Variants in SWT1 observed in about 807,000 individuals in gnomAD.
SWT1 encodes the protein SWT1 RNA endoribonuclease homolog.
A neutral mutation model predicts 107.3 loss-of-function variants in SWT1; 33 were observed. The observed-to-expected ratio is 0.31, with a 90% confidence interval of 0.23 to 0.41. The LOEUF (loss-of-function observed/expected upper bound fraction) is 0.41, where lower values mean the gene tolerates loss of function less well. SWT1 is among the 10% of genes least tolerant of loss of function. The probability of loss-of-function intolerance (pLI) is 1.00; values close to 1 mark genes in which losing one functional copy is unlikely to be tolerated. For synonymous variants in SWT1, 345 were observed against 348.3 expected (o/e 0.99, Z 0.11); for missense variants, 898 against 1,028.9 (o/e 0.87, Z 1.74).
intron 15 of SWT1, among the ~76,000 whole-genome samples, chr1:185,225,279 T>C (rs933107740): frequency 6.6e-6 from 1 of 152,232 alleles, no homozygotes; most frequent in Admixed American, 6.5e-5. Flanking sequence ...CACTTGATCA[T>C]AGTGAACTTT....
intron 14 of SWT1, among the ~76,000 whole-genome samples, chr1:185,220,172 T>A (rs1255207668): frequency 6.7e-6 from 1 of 149,470 alleles, no homozygotes; most frequent in Non-Finnish European, 1.5e-5. Flanking sequence ...AAAGAGCAAT[T>A]TCTAACCATT....
intron 16 of SWT1, among the ~76,000 whole-genome samples, chr1:185,247,091 C>A (rs1235807496): frequency 1.3e-5 from 2 of 152,132 alleles, no homozygotes; most frequent in African/African-American, 2.4e-5. Context: ...TTGTTGGAAT[C>A]CCTTAAACTG....
chr1:185,279,733 A>C (rs749555580), intron 18 of SWT1, among the ~76,000 whole-genome samples: 9 of 150,436 alleles, frequency 6.0e-5, no homozygotes, highest in Non-Finnish European at 1.3e-4. Context: ...ACTGGTTCAT[A>C]CTAGATATGG....
chr1:185,170,995 A>G (rs1371760974), intron 4 of SWT1, among the ~76,000 whole-genome samples: 1 of 152,138 alleles, frequency 6.6e-6, no homozygotes, highest in Non-Finnish European at 1.5e-5. Context: ...TTTTTGAGAA[A>G]AGCACCAGAG....
chr1:185,182,441 G>A (rs1467416903), intron 7 of SWT1, among the ~76,000 whole-genome samples: 1 of 152,130 alleles, frequency 6.6e-6, no homozygotes, highest in Non-Finnish European at 1.5e-5. Context: ...GCTGAGATGG[G>A]AGGATTGCCT....
At chr1:185,227,435 C>G in intron 15 of SWT1, 1 of 639,846 alleles carries the variant, frequency 1.6e-6, no homozygotes, top group Non-Finnish European at 2.9e-6. Flanking sequence ...GGCCAGCCTT[C>G]ATACCATTAT....
intron 10 of SWT1, among the ~76,000 whole-genome samples, chr1:185,201,730 C>G (rs1354207681): frequency 1.3e-5 from 2 of 152,204 alleles, no homozygotes; most frequent in Non-Finnish European, 2.9e-5. Flanking sequence ...AGAGCACTCT[C>G]TCCCTTAACT....
intron 1 of SWT1, among the ~76,000 whole-genome samples, chr1:185,159,239 A>C (rs1653933952): frequency 6.6e-6 from 1 of 152,266 alleles, no homozygotes; most frequent in African/African-American, 2.4e-5. Flanking sequence ...ACCAAGCATC[A>C]GGAATCATCA....
intron 4 of SWT1, among the ~76,000 whole-genome samples, chr1:185,170,414 A>T (rs1323347920): frequency 6.6e-6 from 1 of 152,178 alleles, no homozygotes; most frequent in Admixed American, 6.5e-5. Flanking sequence ...GACTTCTGAC[A>T]TTAAATCCTG....
chr1:185,278,708 T>C (rs957226155), intron 18 of SWT1, among the ~76,000 whole-genome samples: 5 of 152,218 alleles, frequency 3.3e-5, no homozygotes, highest in Admixed American at 6.5e-5. Flanking sequence ...CTGCATTGTA[T>C]AGTCATGCAA....
At chr1:185,229,262 T>C (rs1053678674) in intron 15 of SWT1, among the ~76,000 whole-genome samples, 1 of 152,050 alleles carries the variant, frequency 6.6e-6, no homozygotes, top group Non-Finnish European at 1.5e-5. Context: ...ATTGGTCAAA[T>C]GCTGGATATA....
At chr1:185,251,277 C>G (rs1661997798) in intron 16 of SWT1, 1 of 152,582 alleles carries the variant, frequency 6.6e-6, no homozygotes, top group South Asian at 2.1e-4. Context: ...AAAGCTACAT[C>G]AATTCTAAAT....
intron 15 of SWT1, among the ~76,000 whole-genome samples, chr1:185,223,552 G>T (rs1242300724): frequency 6.6e-6 from 1 of 152,004 alleles, no homozygotes. Context: ...ATTTTGATTT[G>T]CATTTCCCTG....
intron 16 of SWT1, among the ~76,000 whole-genome samples, chr1:185,255,293 G>A (rs952730146): frequency 2.7e-5 from 4 of 149,640 alleles, no homozygotes; most frequent in Non-Finnish European, 5.9e-5. Context: ...ATGTCTATTA[G>A]GTCCACTTGG....
chr1:185,175,026 T>C lies in SWT1; in HGVS notation c.879T>C (p.Tyr293=). Residue 293 remains tyrosine (Y), a synonymous_variant, in exon 5 of 19, where the codon TAT becomes TAC. Coordinates refer to ENST00000367500, the MANE Select transcript of SWT1 (RefSeq NM_017673.7). The stretch of plus-strand genomic sequence containing the variant: ...AACATTTACTTTCAGATTTTACATA[T>C]AAGCGGACTGTTCATGAGTGGAAAC... ...KTEHLLSDFT[Y]KRTVHEWKRK... is the part of the protein sequence containing the mutation. The C allele has an allele frequency of 1.2e-6, 2 of 1,613,356 alleles. No individual in the cohort carries two copies. The highest frequency in any genetic ancestry group is 1.6e-4 in the Middle Eastern group (1 of 6,062).
At chr1:185,159,586 T>G (rs1206612781) in intron 1 of SWT1, among the ~76,000 whole-genome samples, 2 of 152,142 alleles carry the variant, frequency 1.3e-5, no homozygotes, top group Non-Finnish European at 2.9e-5. Context: ...AGCACCTAAG[T>G]TTTTAATACG....
intron 16 of SWT1, among the ~76,000 whole-genome samples, chr1:185,268,882 T>C (rs1398373249): frequency 6.8e-6 from 1 of 146,684 alleles, no homozygotes; most frequent in Non-Finnish European, 1.5e-5. Flanking sequence ...AGACGGAGTG[T>C]CGCTCTTTTG....
At chr1:185,201,676 G>C (rs1356444211) in intron 10 of SWT1, among the ~76,000 whole-genome samples, 1 of 152,186 alleles carries the variant, frequency 6.6e-6, no homozygotes, top group African/African-American at 2.4e-5. Context: ...GGGAGCTGCA[G>C]ACTGGAGCTG....
intron 15 of SWT1, among the ~76,000 whole-genome samples, chr1:185,222,762 CAAA>C (rs59515070): frequency 2.5e-4 from 9 of 36,088 alleles, no homozygotes; most frequent in Admixed American, 1.1e-3. Context: ...GACGCCATCT[CAAA>C]AAAAAAAAAA....
Sources: allele counts gnomAD v4.1 joint callset (sites outside exome capture counted in the v4.1 genomes callset), GRCh38; gene constraint gnomAD v4.1.1; transcripts MANE v1.5; gene names NCBI Gene and HGNC (gene_info 2026-07-23, HGNC 2026-07-21).